The following NAA25 variants were observed in gnomAD, a reference collection of about 807,000 sequenced individuals.
NAA25 encodes N-alpha-acetyltransferase 25, NatB auxiliary subunit, also known as N-terminal acetyltransferase B complex subunit NAA25.
Under a neutral mutation model 132.5 loss-of-function variants are expected in NAA25, and 30 were observed. That is an observed-to-expected ratio of 0.23 (90% CI 0.17 to 0.31). NAA25 has a LOEUF of 0.31. Ranked by LOEUF, NAA25 falls within the 10% of genes least tolerant of loss-of-function variation. The probability of loss-of-function intolerance (pLI) is 1.00; values close to 1 mark genes in which losing one functional copy is unlikely to be tolerated. For missense variants in NAA25, 771 were observed against 1,150.4 expected, an observed-to-expected ratio of 0.67 and a Z score of 4.77; for synonymous variants, 359 against 401.9, an observed-to-expected ratio of 0.89 and a Z score of 1.28.
At chr12:112,075,508 C>T (rs1224910801) in intron 8 of NAA25, among the ~76,000 whole-genome samples, 170 bp downstream of exon 8, 1 of 152,032 alleles carries the variant, frequency 6.6e-6, no homozygotes, top group Non-Finnish European at 1.5e-5. Flanking sequence ...CATTATAATA[C>T]TCTACTGAAA....
intron 1 of NAA25, among the ~76,000 whole-genome samples, chr12:112,093,889 CT>C (rs924790464): frequency 2.7e-4 from 40 of 149,154 alleles, no homozygotes; most frequent in African/African-American, 7.2e-4. Flanking sequence ...TTCAAAAAAA[CT>C]TTTTTTTTTA....
chr12:112,074,412 C>A (rs1053091632), intron 9 of NAA25, among the ~76,000 whole-genome samples: 11 of 146,338 alleles, frequency 7.5e-5, no homozygotes, highest in Non-Finnish European at 1.7e-4. Context: ...ATAAATCTCA[C>A]GGAAAGGCAC....
chr12:112,090,872 C>G lies in NAA25; in HGVS notation c.145-8G>C, dbSNP rs1055672674. The G allele has an allele frequency of 9.5e-6, 15 of 1,581,274 alleles. No homozygotes were observed. Among genetic ancestry groups the G allele is most frequent in the Middle Eastern group, 1.7e-4 (1 of 5,914 alleles). ...ACCAATTGCCTTTAAAACCTGATAG[C>G]AACAAAAGAAAAATCAGTTTTTAAA... On this transcript the variant is annotated splice_polypyrimidine_tract_variant and splice_region_variant and intron_variant, in intron 2 of 23. Transcript: ENST00000261745.
chr12:112,056,150 AT>A (rs1483538214), intron 13 of NAA25, among the ~76,000 whole-genome samples: 2 of 152,162 alleles, frequency 1.3e-5, no homozygotes, highest in African/African-American at 4.8e-5. Context: ...CCTGGCCAAC[AT>A]GGTAAAACCT....
chr12:112,074,454 G>C (rs2078866120), intron 9 of NAA25, among the ~76,000 whole-genome samples: 2 of 151,942 alleles, frequency 1.3e-5, no homozygotes, highest in South Asian at 4.2e-4. Flanking sequence ...TTTTGGAATG[G>C]TAGGATAAGT....
At chr12:112,084,660 C>T (rs1009687920) in intron 4 of NAA25, among the ~76,000 whole-genome samples, 4 of 150,812 alleles carry the variant, frequency 2.7e-5, no homozygotes, top group Admixed American at 2.0e-4. Flanking sequence ...CTTAGTGGCG[C>T]GTGCCTGTAG....
intron 15 of NAA25, 140 bp from the exon 16 acceptor site, chr12:112,048,583 A>G: frequency 1.5e-6 from 1 of 667,450 alleles, no homozygotes; most frequent in Non-Finnish European, 2.5e-6. Context: ...ACCAAGTAGA[A>G]TATTAGCTTT....
At chr12:112,107,026 G>A (rs1289765148) in intron 1 of NAA25, among the ~76,000 whole-genome samples, 1 of 147,170 alleles carries the variant, frequency 6.8e-6, no homozygotes, top group Non-Finnish European at 1.5e-5. Flanking sequence ...TATAATCCCA[G>A]CACTTTGGGA....
At chr12:112,055,544 T>C (rs2078532291) in intron 13 of NAA25, among the ~76,000 whole-genome samples, 1 of 151,878 alleles carries the variant, frequency 6.6e-6, no homozygotes, top group African/African-American at 2.4e-5. Flanking sequence ...AAAACATTTT[T>C]GAAAAAATTA....
rs146916262 is a variant in NAA25, at chr12:112,036,876, C to CGT, written c.2649+2351_2649+2352dup. Among the ~76,000 whole-genome samples, 389 of 148,300 alleles carry CGT rather than the reference C, an allele frequency of 2.6e-3. 3 individuals carry two copies. Among genetic ancestry groups the CGT allele is most frequent in the Non-Finnish European group, 2.9e-3 (193 of 66,836 alleles). On this transcript the variant is annotated intron_variant, in intron 22 of 23. Transcript: ENST00000261745. ...AAAAAAGTACGTAAAACTGTGTGTG[C>CGT]GTGTGTGTGTGTGTGTGCACGCGCG...
intron 22 of NAA25, chr12:112,033,800 C>T (rs1253420031): frequency 6.7e-6 from 1 of 150,314 alleles, no homozygotes; most frequent in Non-Finnish European, 1.5e-5. Context: ...GAAAAAAAAA[C>T]TGCATCACCT....
Position 112,075,853 on chromosome 12 carries a change from G to A in NAA25, c.665-64C>T, listed in dbSNP as rs192063394. The A allele has an allele frequency of 1.8e-3, 2,296 of 1,255,666 alleles. 47 individuals are homozygous for A. In the Admixed American group the frequency reaches 0.042, roughly 23 times the overall value. The allele number at this position is 1,255,666 out of a possible 1,614,324, so 77.8% of individuals were successfully genotyped here. A position where few individuals can be genotyped will look rare whatever the true frequency, so the allele number is the denominator to read the frequency against. ...ATTTCTGCTCAATAACCAGAATAGAGTCCAACCACAAGAAGGAAAATGTCA... is the reference window on the plus strand; with the variant it reads ...ATTTCTGCTCAATAACCAGAATAGAATCCAACCACAAGAAGGAAAATGTCA... On this transcript the variant is annotated intron_variant, in intron 7 of 23. Coordinates refer to ENST00000261745, the MANE Select transcript of NAA25 (RefSeq NM_024953.4).
intron 9 of NAA25, among the ~76,000 whole-genome samples, chr12:112,072,495 G>A (rs185708925): frequency 8.8e-4 from 133 of 151,872 alleles, no homozygotes; most frequent in Non-Finnish European, 6.8e-4. Context: ...TGTAGTCCCA[G>A]CTACTCAGGA....
chr12:112,057,731 C>T (rs903822770), intron 13 of NAA25, among the ~76,000 whole-genome samples: 1 of 152,196 alleles, frequency 6.6e-6, no homozygotes, highest in Non-Finnish European at 1.5e-5. Flanking sequence ...TGGCTCACGC[C>T]TATAATCCCA....
intron 1 of NAA25, among the ~76,000 whole-genome samples, chr12:112,105,459 A>G (rs1007701643): frequency 2.6e-5 from 4 of 152,216 alleles, no homozygotes; most frequent in Admixed American, 6.5e-5. Context: ...GGAGGTTTTC[A>G]AAAACGAAAA....
chr12:112,074,632 T>C (rs901651603), intron 9 of NAA25, 43 bp downstream of exon 9: 15 of 1,204,848 alleles, frequency 1.2e-5, no homozygotes, highest in Non-Finnish European at 1.8e-5. Flanking sequence ...CACTACACTA[T>C]ATTAAAAAGT....
chr12:112,052,907 T>C (rs2078488005), intron 15 of NAA25, among the ~76,000 whole-genome samples: 1 of 152,220 alleles, frequency 6.6e-6, no homozygotes, highest in Non-Finnish European at 1.5e-5. Flanking sequence ...TTGGGCAGTT[T>C]TTTATAATTG....
In NAA25 at chr12:112,075,725, G is replaced by C. The variant is rs1464143198; in HGVS notation, c.729C>G (p.Ser243Arg). ...AAAGGGCATTGCACTCTGGCCACCT[G>C]CTCAGCTTCTTGTACATAGCCATGC... The part of the protein sequence containing the change: ...NKCMAMYKKL[S>R]RWPECNALSR... The change falls in exon 8 of 24, where the codon AGC becomes AGG. Residue 243 changes from serine (S) to arginine (R), a missense_variant. Transcript: ENST00000261745. 1.2e-6 allele frequency: 2 copies of C among 1,613,922 alleles called. No individual in the cohort carries two copies. The highest frequency in any genetic ancestry group is 1.3e-5 in the African/African-American group (1 of 75,030).
chr12:112,069,619 G>A (rs1333158902), intron 10 of NAA25, among the ~76,000 whole-genome samples: 4 of 150,570 alleles, frequency 2.7e-5, no homozygotes, highest in East Asian at 3.9e-4. Flanking sequence ...TCAAGAGTTC[G>A]AGACCAGCCT....
Sources: allele counts gnomAD v4.1 joint callset (sites outside exome capture counted in the v4.1 genomes callset), GRCh38; gene constraint gnomAD v4.1.1; transcripts MANE v1.5; gene names NCBI Gene and HGNC (gene_info 2026-07-23, HGNC 2026-07-21).